The following TET1 variants were observed in gnomAD, a reference collection of about 807,000 sequenced individuals.
TET1 encodes methylcytosine dioxygenase TET1.
A neutral mutation model predicts 148.7 loss-of-function variants in TET1; 13 were observed. That is an observed-to-expected ratio of 0.09 (90% CI 0.06 to 0.14). The LOEUF (loss-of-function observed/expected upper bound fraction) is 0.14. TET1 is among the 10% of genes least tolerant of loss of function. TET1 has a pLI of 1.00. For synonymous variants in TET1, 907 were observed against 937.2 expected (o/e 0.97, Z 0.59); for missense variants, 2,182 against 2,553.8 (o/e 0.85, Z 3.14).
chr10:68,666,099 G>A (rs572118547), intron 6 of TET1, among the ~76,000 whole-genome samples: 1 of 151,026 alleles, frequency 6.6e-6, no homozygotes, highest in South Asian at 2.1e-4. Flanking sequence ...ATGGTTTTAT[G>A]TGGTGACAAC....
chr10:68,672,155 T>C (rs2055280647), intron 7 of TET1, among the ~76,000 whole-genome samples: 1 of 152,118 alleles, frequency 6.6e-6, no homozygotes, highest in Non-Finnish European at 1.5e-5. Flanking sequence ...ATGTTCTAAA[T>C]TTTCATTTGT....
intron 3 of TET1, among the ~76,000 whole-genome samples, chr10:68,631,584 A>G (rs1191081175): frequency 6.6e-6 from 1 of 151,808 alleles, no homozygotes; most frequent in African/African-American, 2.4e-5. Context: ...TGTTTTCTTA[A>G]GATAGGAAAG....
At chr10:68,564,566 A>G (rs2053587122) in intron 1 of TET1, among the ~76,000 whole-genome samples, 1 of 152,212 alleles carries the variant, frequency 6.6e-6, no homozygotes, top group South Asian at 2.1e-4. Flanking sequence ...CATGACAGTA[A>G]GAACTCACAG....
chr10:68,689,299 G>A (rs1325875769), intron 11 of TET1, among the ~76,000 whole-genome samples: 1 of 152,172 alleles, frequency 6.6e-6, no homozygotes, highest in Non-Finnish European at 1.5e-5. Context: ...TGATCATTAT[G>A]TATTATATTA....
At chr10:68,600,933 A>G (rs752837149) in intron 2 of TET1, 48 bp from the exon 3 acceptor site, 12 of 1,570,274 alleles carry the variant, frequency 7.6e-6, no homozygotes, top group Middle Eastern at 3.8e-4. Flanking sequence ...GTGGGAGCTA[A>G]TTTTATTTCT....
rs184689841 is a variant in TET1 at position 68,660,856 on chromosome 10, G to T, written c.4462-6189G>T. 2.6e-5 allele frequency among the ~76,000 whole-genome samples: 4 copies of T among 151,524 alleles called. No individual in the cohort carries two copies. The East Asian group carries it at 7.8e-4, about 29-fold the overall frequency. ...TTTTTGTATTTTTAGTAGACATGGG[G>T]TTTCACCATGTTGGCCATGCTGGTC... On this transcript the variant is annotated intron_variant, in intron 6 of 11. Transcript: ENST00000373644.
intron 2 of TET1, among the ~76,000 whole-genome samples, chr10:68,592,177 A>G (rs1348144432): frequency 2.4e-4 from 37 of 151,336 alleles, no homozygotes; most frequent in African/African-American, 8.5e-4. Context: ...TTAGCTGGGC[A>G]TGGTGGCGGG....
chr10:68,645,493 A>G lies in TET1; in HGVS notation c.2764A>G (p.Arg922Gly). The G allele has an allele frequency of 6.2e-7, 1 of 1,614,004 alleles. No individual in the cohort carries two copies. Among genetic ancestry groups the G allele is most frequent in the East Asian group, 2.2e-5 (1 of 44,884 alleles). ...KSEKDEESEQ[R>G]TASLLNSCKA... ...AGAGAAGGATGAGGAATCAGAGCAG[A>G]GAACAGCCAGTTTGCTTAATAGCTG... is the stretch of plus-strand genomic sequence containing the variant. Residue 922 changes from arginine (R) to glycine (G), a missense_variant, in exon 4 of 12, where the codon AGA becomes GGA. By Grantham distance (125) the Arg-to-Gly change is moderately radical. Transcript: ENST00000373644.
intron 8 of TET1, among the ~76,000 whole-genome samples, chr10:68,676,127 T>C (rs191706705): frequency 1.0e-3 from 148 of 147,904 alleles, no homozygotes; most frequent in African/African-American, 3.6e-3. Context: ...AGTGCTGGGA[T>C]TATAGGTGTG....
At chr10:68,604,500 G>A (rs1228710404) in intron 3 of TET1, among the ~76,000 whole-genome samples, 2 of 152,176 alleles carry the variant, frequency 1.3e-5, no homozygotes, top group Non-Finnish European at 2.9e-5. Flanking sequence ...GCTGAGTAGA[G>A]GAAGCATGGG....
intron 3 of TET1, among the ~76,000 whole-genome samples, chr10:68,643,068 G>C (rs770838378): frequency 7.9e-5 from 12 of 151,814 alleles, no homozygotes; most frequent in South Asian, 2.1e-4. Context: ...AGACCAGCCT[G>C]GGCAACATGG....
intron 2 of TET1, among the ~76,000 whole-genome samples, chr10:68,574,971 G>A (rs2053711705): frequency 6.6e-6 from 1 of 152,106 alleles, no homozygotes; most frequent in Non-Finnish European, 1.5e-5. Flanking sequence ...ACCCAGTATT[G>A]CTTTTTTGGC....
chr10:68,684,756 AT>A (rs566057166), intron 10 of TET1, among the ~76,000 whole-genome samples: 2 of 151,292 alleles, frequency 1.3e-5, no homozygotes, highest in African/African-American at 2.4e-5. Flanking sequence ...CATAATTTCT[AT>A]TTTTTTTATT....
intron 1 of TET1, among the ~76,000 whole-genome samples, chr10:68,567,347 C>T (rs1164879691): frequency 6.6e-6 from 1 of 151,266 alleles, no homozygotes; most frequent in African/African-American, 2.4e-5. Flanking sequence ...CCTAGGATTA[C>T]CTAGGTCAGT....
chr10:68,680,654 A>G (rs148559594), intron 8 of TET1, among the ~76,000 whole-genome samples: 69 of 151,154 alleles, frequency 4.6e-4, no homozygotes, highest in African/African-American at 1.6e-3. Context: ...ATAGAGACTC[A>G]TGTGATAGTT....
chr10:68,593,331 A>G (rs1208173402), intron 2 of TET1, among the ~76,000 whole-genome samples: 9 of 152,016 alleles, frequency 5.9e-5, no homozygotes, highest in Non-Finnish European at 1.3e-4. Context: ...TGAAAAACAA[A>G]TTAATACATT....
At chr10:68,575,905 A>T (rs879942336) in intron 2 of TET1, among the ~76,000 whole-genome samples, 5 of 150,770 alleles carry the variant, frequency 3.3e-5, no homozygotes, top group Non-Finnish European at 5.9e-5. Context: ...CTGCAGTTCC[A>T]GCTGCTGGGG....
chr10:68,615,492 C>A (rs940776026), intron 3 of TET1, among the ~76,000 whole-genome samples: 1 of 151,456 alleles, frequency 6.6e-6, no homozygotes, highest in Non-Finnish European at 1.5e-5. Flanking sequence ...ACTGCAGGCA[C>A]CCACCACTAC....
At chr10:68,614,171 T>G (rs2054256864) in intron 3 of TET1, among the ~76,000 whole-genome samples, 1 of 152,208 alleles carries the variant, frequency 6.6e-6, no homozygotes, top group African/African-American at 2.4e-5. Flanking sequence ...CTGTGATATT[T>G]GATCACTTCA....
Sources: allele counts gnomAD v4.1 joint callset (sites outside exome capture counted in the v4.1 genomes callset), GRCh38; gene constraint gnomAD v4.1.1; transcripts MANE v1.5; gene names NCBI Gene and HGNC (gene_info 2026-07-23, HGNC 2026-07-21).